The following CCBE1 variants were observed in gnomAD, a reference collection of about 807,000 sequenced individuals.
CCBE1 encodes collagen and calcium-binding EGF domain-containing protein 1.
Under a neutral mutation model 50.0 loss-of-function variants are expected in CCBE1, and 37 were observed. The ratio of observed to expected loss-of-function variants is 0.74; its 90% CI spans 0.57 to 0.97. CCBE1 has a LOEUF of 0.97. CCBE1 is among the 50% of genes least tolerant of loss of function. CCBE1 has a pLI of 0.00. For synonymous variants in CCBE1, 234 were observed against 203.7 expected (o/e 1.15, Z -1.27); for missense variants, 538 against 523.8 (o/e 1.03, Z -0.26).
chr18:59,589,717 C>T (rs58420480), intron 2 of CCBE1, among the ~76,000 whole-genome samples: 1,877 of 144,400 alleles, frequency 0.013, 50 homozygotes, highest in African/African-American at 0.046. Flanking sequence ...GAGAATGGCG[C>T]GAACCCAGGA....
intron 2 of CCBE1, among the ~76,000 whole-genome samples, chr18:59,594,401 G>C (rs994456855): frequency 6.6e-6 from 1 of 152,224 alleles, no homozygotes; most frequent in Non-Finnish European, 1.5e-5. Context: ...AGAGAGAAAG[G>C]AATAGGAAGT....
chr18:59,644,293 G>T (rs1239578014), intron 2 of CCBE1, among the ~76,000 whole-genome samples: 2 of 152,196 alleles, frequency 1.3e-5, no homozygotes, highest in East Asian at 1.9e-4. Context: ...CTCCTGCTGT[G>T]CGGTCCAGTA....
chr18:59,577,524 C>T (rs1022636660), intron 2 of CCBE1, among the ~76,000 whole-genome samples: 5 of 152,136 alleles, frequency 3.3e-5, no homozygotes, highest in Non-Finnish European at 2.9e-5. Context: ...TGAAAATATG[C>T]TCAAATTTGT....
chr18:59,646,379 A>T (rs2054055503), intron 2 of CCBE1, among the ~76,000 whole-genome samples: 1 of 152,212 alleles, frequency 6.6e-6, no homozygotes, highest in South Asian at 2.1e-4. Context: ...CTGGTGGAAG[A>T]GACAATCCCA....
intron 3 of CCBE1, among the ~76,000 whole-genome samples, chr18:59,469,817 G>T (rs1338151979): frequency 1.3e-5 from 2 of 152,172 alleles, no homozygotes; most frequent in Non-Finnish European, 2.9e-5. Context: ...CACATCACTC[G>T]TGATTTTTCC....
intron 2 of CCBE1, among the ~76,000 whole-genome samples, chr18:59,531,972 G>A (rs1260236583): frequency 6.6e-6 from 1 of 152,166 alleles, no homozygotes; most frequent in Non-Finnish European, 1.5e-5. Flanking sequence ...CACAACAATT[G>A]AGTTTACTTG....
intron 2 of CCBE1, among the ~76,000 whole-genome samples, chr18:59,629,955 A>G (rs2053831074): frequency 6.6e-6 from 1 of 152,180 alleles, no homozygotes; most frequent in Admixed American, 6.5e-5. Context: ...GAATGGACAT[A>G]CTGCAGGGGC....
At chr18:59,445,118 C>T (rs1390883863) in intron 7 of CCBE1, among the ~76,000 whole-genome samples, 1 of 152,114 alleles carries the variant, frequency 6.6e-6, no homozygotes, top group Non-Finnish European at 1.5e-5. Context: ...TCACCAAATC[C>T]AATGTCATGA....
intron 2 of CCBE1, among the ~76,000 whole-genome samples, chr18:59,662,581 A>T (rs192990486): frequency 3.3e-5 from 5 of 152,326 alleles, no homozygotes; most frequent in Admixed American, 3.3e-4. Context: ...CAAATGTATA[A>T]TTACAAAATG....
intron 9 of CCBE1, 148 bp from the exon 10 acceptor site, chr18:59,438,294 C>T (rs903545824): frequency 1.6e-5 from 12 of 749,146 alleles, no homozygotes; most frequent in Admixed American, 4.1e-5. Context: ...GCTGGACTCA[C>T]GGGACCACTT....
At chr18:59,550,885 G>C (rs1251085338) in intron 2 of CCBE1, among the ~76,000 whole-genome samples, 1 of 151,036 alleles carries the variant, frequency 6.6e-6, no homozygotes, top group Non-Finnish European at 1.5e-5. Context: ...GGCGGCTGTA[G>C]TCTCAGCTAC....
intron 2 of CCBE1, among the ~76,000 whole-genome samples, chr18:59,658,342 AAAAAAAAAAAAAAT>A (rs2054221443): frequency 5.2e-5 from 2 of 38,742 alleles, no homozygotes; most frequent in African/African-American, 1.0e-4. Context: ...AAAAAAAAAA[AAAAAAAAAAAAAAT>A]ATATATATAT....
At chr18:59,677,609 C>T (rs923537619) in intron 2 of CCBE1, among the ~76,000 whole-genome samples, 23 of 152,034 alleles carry the variant, frequency 1.5e-4, no homozygotes, top group Admixed American at 1.2e-3. Context: ...CAGAATTCAA[C>T]ACAGAGAAAG....
chr18:59,520,442 G>T (rs1019894180), intron 2 of CCBE1, among the ~76,000 whole-genome samples: 1 of 152,150 alleles, frequency 6.6e-6, no homozygotes, highest in Non-Finnish European at 1.5e-5. Context: ...TTCAGCATAG[G>T]TTATGTTGAC....
At chr18:59,622,929 A>G (rs2053732656) in intron 2 of CCBE1, among the ~76,000 whole-genome samples, 1 of 152,164 alleles carries the variant, frequency 6.6e-6, no homozygotes, top group African/African-American at 2.4e-5. Flanking sequence ...GGATGATACT[A>G]TGATGGAAAA....
chr18:59,479,093 A>G (rs1446406846), intron 3 of CCBE1, among the ~76,000 whole-genome samples: 1 of 152,254 alleles, frequency 6.6e-6, no homozygotes, highest in Non-Finnish European at 1.5e-5. Context: ...ATGCAACAGA[A>G]TTAGCTTGGC....
chr18:59,644,393 A>G (rs958515934), intron 2 of CCBE1, among the ~76,000 whole-genome samples: 23 of 152,148 alleles, frequency 1.5e-4, no homozygotes, highest in African/African-American at 5.6e-4. Context: ...TTCTCTATTG[A>G]TTCGATGTGT....
rs663452 is a variant in CCBE1, at chr18:59,469,670, C to A, written c.266-63G>T. The A allele has an allele frequency of 0.45, 725,573 of 1,607,094 alleles. 165,373 individuals are homozygous for A. The highest frequency in any genetic ancestry group is 0.51 in the South Asian group (46,726 of 90,886). ...AGGAGGCGGAGTAACCTGGCCCTGG[C>A]CTGGAAAGGACTTTCTGGGCTGGGC... On this transcript the variant is annotated intron_variant, in intron 3 of 10. Transcript: ENST00000439986.
chr18:59,523,905 C>T (rs1429868385), intron 2 of CCBE1, among the ~76,000 whole-genome samples: 1 of 152,234 alleles, frequency 6.6e-6, no homozygotes, highest in Non-Finnish European at 1.5e-5. Context: ...GATATTTGTA[C>T]TTCTAGATGT....
Sources: allele counts gnomAD v4.1 joint callset (sites outside exome capture counted in the v4.1 genomes callset), GRCh38; gene constraint gnomAD v4.1.1; transcripts MANE v1.5; gene names NCBI Gene and HGNC (gene_info 2026-07-23, HGNC 2026-07-21).